ZEB1: variants seen among roughly 807,000 people sequenced by gnomAD.
ZEB1 encodes zinc finger E-box-binding homeobox 1.
ZEB1 carries 21 observed loss-of-function variants against 84.9 expected under a neutral mutation model. The ratio of observed to expected loss-of-function variants is 0.25; its 90% CI spans 0.18 to 0.36. The LOEUF (loss-of-function observed/expected upper bound fraction) is 0.36. Ranked by LOEUF, ZEB1 falls within the 10% of genes least tolerant of loss-of-function variation. ZEB1 has a pLI of 1.00. For synonymous variants in ZEB1, 420 were observed against 471.1 expected (o/e 0.89, Z 1.41); for missense variants, 1,104 against 1,330.2 (o/e 0.83, Z 2.65).
At chr10:31,362,160 C>T (rs1307291048) in intron 1 of ZEB1, among the ~76,000 whole-genome samples, 19 of 149,642 alleles carry the variant, frequency 1.3e-4, no homozygotes, top group African/African-American at 2.5e-4. Flanking sequence ...CCAGATGGGG[C>T]GGCGGCTGGG....
chr10:31,410,430 C>T (rs927146059), intron 1 of ZEB1, among the ~76,000 whole-genome samples: 4 of 152,012 alleles, frequency 2.6e-5, no homozygotes, highest in African/African-American at 9.7e-5. Flanking sequence ...GGATTTTTGC[C>T]CCAATGTTCA....
chr10:31,509,964 C>T (rs935241881), intron 4 of ZEB1, among the ~76,000 whole-genome samples: 1 of 152,108 alleles, frequency 6.6e-6, no homozygotes, highest in South Asian at 2.1e-4. Flanking sequence ...TATATTCATA[C>T]ATATACAGTT....
At chr10:31,326,053 T>C (rs1477573958) in intron 1 of ZEB1, among the ~76,000 whole-genome samples, 13 of 151,982 alleles carry the variant, frequency 8.6e-5, no homozygotes. Flanking sequence ...TCATATATTT[T>C]TAATATGGAA....
intron 4 of ZEB1, among the ~76,000 whole-genome samples, chr10:31,508,213 G>A (rs1042603114): frequency 6.6e-6 from 1 of 152,176 alleles, no homozygotes; most frequent in Non-Finnish European, 1.5e-5. Context: ...TTAGACCACA[G>A]GGTGGCACAT....
intron 1 of ZEB1, among the ~76,000 whole-genome samples, chr10:31,405,466 A>G (rs1463956839): frequency 1.3e-5 from 2 of 152,204 alleles, no homozygotes; most frequent in African/African-American, 2.4e-5. Context: ...GATGCTTTAT[A>G]TTCAGTACAG....
chr10:31,461,888 A>C (rs937991227), intron 2 of ZEB1, among the ~76,000 whole-genome samples: 2 of 152,100 alleles, frequency 1.3e-5, no homozygotes, highest in African/African-American at 4.8e-5. Flanking sequence ...TACTTTTCCT[A>C]ATAAACTAAT....
intron 2 of ZEB1, among the ~76,000 whole-genome samples, chr10:31,493,651 C>T (rs936430836): frequency 2.0e-5 from 3 of 151,992 alleles, no homozygotes; most frequent in Admixed American, 6.6e-5. Context: ...TTTGCAGACA[C>T]ACTCATGCTA....
At chr10:31,386,161 A>G (rs1194311677) in intron 1 of ZEB1, among the ~76,000 whole-genome samples, 2 of 151,902 alleles carry the variant, frequency 1.3e-5, no homozygotes, top group Non-Finnish European at 2.9e-5. Context: ...ATTGCTTTTC[A>G]TCTGTATTAA....
At chr10:31,438,909 G>A (rs1317240031) in intron 1 of ZEB1, among the ~76,000 whole-genome samples, 1 of 152,122 alleles carries the variant, frequency 6.6e-6, no homozygotes, top group East Asian at 1.9e-4. Context: ...TACATAGAGA[G>A]CCAGCAAATA....
chr10:31,435,435 G>A (rs948064361), intron 1 of ZEB1, among the ~76,000 whole-genome samples: 1 of 152,208 alleles, frequency 6.6e-6, no homozygotes, highest in African/African-American at 2.4e-5. Context: ...GTAAAAGAAA[G>A]TAAACAAGTA....
Position 31,521,294 on chromosome 10 carries a change from T to C in ZEB1, c.1962T>C (p.Asn654=), listed in dbSNP as rs773882033. The change falls in exon 7 of 9, where the codon AAT becomes AAC. Residue 654 remains asparagine (N), a synonymous_variant. Coordinates refer to ENST00000424869, the MANE Select transcript of ZEB1 (RefSeq NM_001174096.2). ...CTTCTCCTGAACCAGGCAAAGTAAATATCCCTGCCAAGAACAATGATCAGC... is the reference window on the plus strand; with the variant it reads ...CTTCTCCTGAACCAGGCAAAGTAAACATCCCTGCCAAGAACAATGATCAGC... The part of the protein sequence containing the change: ...EPSSPEPGKV[N]IPAKNNDQPQ... 5.0e-6 allele frequency: 8 copies of C among 1,613,898 alleles called. No homozygotes were observed. The highest frequency in any genetic ancestry group is 6.8e-6 in the Non-Finnish European group (8 of 1,180,006).
intron 2 of ZEB1, among the ~76,000 whole-genome samples, chr10:31,466,174 C>T (rs2062397213): frequency 1.3e-5 from 2 of 152,104 alleles, no homozygotes; most frequent in Non-Finnish European, 2.9e-5. Context: ...GTACAGTAAT[C>T]ATAGGGGTCT....
At chr10:31,480,522 A>G (rs2064905005) in intron 2 of ZEB1, among the ~76,000 whole-genome samples, 1 of 152,036 alleles carries the variant, frequency 6.6e-6, no homozygotes, top group Non-Finnish European at 1.5e-5. Context: ...CCACTTGTAC[A>G]TATGTAAAAT....
At chr10:31,464,221 C>T (rs2062123425) in intron 2 of ZEB1, among the ~76,000 whole-genome samples, 2 of 151,732 alleles carry the variant, frequency 1.3e-5, no homozygotes, top group South Asian at 4.2e-4. Flanking sequence ...ATATGAAAAA[C>T]AGGTGCCTGT....
intron 1 of ZEB1, among the ~76,000 whole-genome samples, chr10:31,399,511 A>G (rs2051497013): frequency 6.6e-6 from 1 of 152,024 alleles, no homozygotes; most frequent in South Asian, 2.1e-4. Flanking sequence ...TCCCAAAAAT[A>G]TTTCTGAGAT....
chr10:31,513,239 G>A (rs1189882934), intron 5 of ZEB1, among the ~76,000 whole-genome samples: 3 of 152,166 alleles, frequency 2.0e-5, no homozygotes, highest in African/African-American at 7.2e-5. Context: ...TATGCTTGCT[G>A]ATGGATTGGG....
intron 2 of ZEB1, among the ~76,000 whole-genome samples, chr10:31,464,515 T>G (rs1009749592): frequency 6.6e-6 from 1 of 151,998 alleles, no homozygotes; most frequent in Non-Finnish European, 1.5e-5. Flanking sequence ...TACTACAGAT[T>G]CAAAAAGCCC....
chr10:31,464,208 A>C (rs561482969), intron 2 of ZEB1, among the ~76,000 whole-genome samples: 55 of 152,170 alleles, frequency 3.6e-4, no homozygotes, highest in African/African-American at 1.2e-3. Context: ...ACACATAGAA[A>C]AAATATGAAA....
intron 3 of ZEB1, among the ~76,000 whole-genome samples, chr10:31,499,776 T>A (rs766289479): frequency 1.6e-4 from 25 of 151,526 alleles, no homozygotes; most frequent in Non-Finnish European, 3.2e-4. Flanking sequence ...AAAAAAAAAA[T>A]AGAAATTATC....
Sources: allele counts gnomAD v4.1 joint callset (sites outside exome capture counted in the v4.1 genomes callset), GRCh38; gene constraint gnomAD v4.1.1; transcripts MANE v1.5; gene names NCBI Gene and HGNC (gene_info 2026-07-23, HGNC 2026-07-21).